The following PTPRC variants were observed in gnomAD, a reference collection of about 807,000 sequenced individuals.
PTPRC encodes protein tyrosine phosphatase receptor type C.
PTPRC carries 44 observed loss-of-function variants against 155.9 expected under a neutral mutation model. The observed-to-expected ratio is 0.28, with a 90% CI of 0.22 to 0.36. The LOEUF (loss-of-function observed/expected upper bound fraction) is 0.36. Among genes scored for constraint, PTPRC ranks in the 10% least tolerant of loss-of-function variants. PTPRC has a pLI of 1.00. For synonymous variants in PTPRC, 525 were observed against 533.1 expected, an observed-to-expected ratio of 0.98 and a Z score of 0.21; for missense variants, 1,401 against 1,564.6, an observed-to-expected ratio of 0.90 and a Z score of 1.76.
At chr1:198,710,594 T>G (rs1007582476) in intron 11 of PTPRC, among the ~76,000 whole-genome samples, 2 of 152,238 alleles carry the variant, frequency 1.3e-5, no homozygotes, top group African/African-American at 4.8e-5. Context: ...ATTTATGTCT[T>G]CTTTAATTTA....
chr1:198,702,286 T>C (rs1376155872), intron 5 of PTPRC, 101 bp from the exon 6 acceptor site: 3 of 1,470,894 alleles, frequency 2.0e-6, no homozygotes, highest in Non-Finnish European at 2.9e-6. Context: ...AAGATTTGTT[T>C]CTCTGCCTTA....
chr1:198,679,913 TG>T, intron 2 of PTPRC: 1 of 606,700 alleles, frequency 1.6e-6, no homozygotes. Flanking sequence ...TTAACCTAGG[TG>T]GGCGTCAGCA....
intron 15 of PTPRC, among the ~76,000 whole-genome samples, chr1:198,723,156 T>C (rs1015517138): frequency 2.0e-5 from 3 of 151,164 alleles, no homozygotes; most frequent in African/African-American, 4.8e-5. Flanking sequence ...TACTGCTCTT[T>C]CTAGAGTTAC....
intron 23 of PTPRC, among the ~76,000 whole-genome samples, chr1:198,738,284 G>A (rs1039888808): frequency 2.0e-5 from 3 of 151,720 alleles, no homozygotes; most frequent in Non-Finnish European, 4.4e-5. Context: ...CTAGCTGTGG[G>A]TGTGTCATAT....
At chr1:198,704,011 G>A (rs569315613) in intron 7 of PTPRC, 1 of 174,444 alleles carries the variant, frequency 5.7e-6, no homozygotes, top group South Asian at 1.2e-4. Context: ...GATGTGCAAA[G>A]AGCTTACAAA....
chr1:198,739,421 G>A (rs929563797), intron 23 of PTPRC, among the ~76,000 whole-genome samples: 41 of 151,686 alleles, frequency 2.7e-4, no homozygotes, highest in African/African-American at 9.0e-4. Flanking sequence ...AAAAGAGAAG[G>A]AGTACCTATA....
rs4025856 is a variant in PTPRC at position 198,662,475 on chromosome 1, TGTGAGA to T, written c.73+23138_73+23143del. 1.8e-4 allele frequency among the ~76,000 whole-genome samples: 12 copies of T among 65,580 alleles called. No individual in the cohort carries two copies. The Middle Eastern group carries it at 0.016, about 88-fold the overall frequency. 43.0% of individuals were successfully genotyped at this position (65,580 alleles called of 152,430 possible). A position where few individuals can be genotyped will look rare whatever the true frequency, so the allele number is the denominator to read the frequency against. Reference sequence around the variant, plus strand: ...GTGTGTGTGTGTGTGTGTGTGTGTGTGTGAGAGTGTGTGTGTATAAACATGAGACCA... The same window carrying T: ...GTGTGTGTGTGTGTGTGTGTGTGTGTGTGTGTGTGTATAAACATGAGACCA... On this transcript the variant is annotated intron_variant, in intron 2 of 32. Transcript: ENST00000442510.
Position 198,704,357 on chromosome 1 carries a change from C to A in PTPRC, c.659-115C>A, listed in dbSNP as rs1666618640. 1.9e-6 allele frequency: 3 copies of A among 1,543,806 alleles called. No homozygotes were observed. In the African/African-American group the frequency reaches 4.1e-5, roughly 21 times the overall value. On this transcript the variant is annotated intron_variant, in intron 7 of 32. Coordinates refer to ENST00000442510, the MANE Select transcript of PTPRC (RefSeq NM_002838.5). Reference sequence around the variant, plus strand: ...GCAAATCCTTCATATTCTGTTAAATCTAACTAGATAGACTTTATGAAGTAG... The same window carrying A: ...GCAAATCCTTCATATTCTGTTAAATATAACTAGATAGACTTTATGAAGTAG...
intron 3 of PTPRC, chr1:198,692,893 A>AAAGGTAAGT: frequency 1.1e-6 from 1 of 894,028 alleles, no homozygotes; most frequent in Non-Finnish European, 1.3e-6. Context: ...TAGTCCTTAT[A>AAAGGTAAGT]AATGTCTTAA....
chr1:198,673,827 A>G (rs1304504106), intron 2 of PTPRC, among the ~76,000 whole-genome samples: 1 of 152,118 alleles, frequency 6.6e-6, no homozygotes, highest in Non-Finnish European at 1.5e-5. Context: ...TTTTTTTCTT[A>G]ACTTTGCTTG....
At chr1:198,728,711 G>A (rs969066234) in intron 16 of PTPRC, among the ~76,000 whole-genome samples, 5 of 152,152 alleles carry the variant, frequency 3.3e-5, no homozygotes, top group Admixed American at 3.3e-4. Context: ...AATGTGTGTG[G>A]TTTTTAGTAC....
chr1:198,752,013 C>T (rs1655405010), intron 29 of PTPRC, among the ~76,000 whole-genome samples: 1 of 152,026 alleles, frequency 6.6e-6, no homozygotes, highest in Non-Finnish European at 1.5e-5. Context: ...CCAGTCACCT[C>T]GATTGTGCTC....
At chr1:198,640,823 G>T (rs1662536800) in intron 2 of PTPRC, among the ~76,000 whole-genome samples, 1 of 151,856 alleles carries the variant, frequency 6.6e-6, no homozygotes, top group African/African-American at 2.4e-5. Flanking sequence ...TTCAGGTCTA[G>T]CTCCATTGCT....
rs553378363 is a variant in PTPRC at position 198,665,158 on chromosome 1, C to T, written c.73+25817C>T. 1.5e-3 allele frequency among the ~76,000 whole-genome samples: 201 copies of T among 134,716 alleles called. 3 individuals are homozygous for T. The South Asian group carries it at 0.022, about 15-fold the overall frequency. The allele number at this position is 134,716 out of a possible 152,430, so 88.4% of individuals were successfully genotyped here. ...AGGCTGGAGTGCAGTGGTGCAATCG[C>T]GGCTCACTGCAAGCTCCGCCTCCCG... On this transcript the variant is annotated intron_variant, in intron 2 of 32. Coordinates refer to ENST00000442510, the MANE Select transcript of PTPRC (RefSeq NM_002838.5).
At chr1:198,674,732 A>G (rs1235785441) in intron 2 of PTPRC, among the ~76,000 whole-genome samples, 1 of 151,986 alleles carries the variant, frequency 6.6e-6, no homozygotes, top group African/African-American at 2.4e-5. Flanking sequence ...ACCTTTTAAA[A>G]ATAAGCTTTC....
chr1:198,699,840 C>T, intron 5 of PTPRC, 136 bp downstream of exon 5: 1 of 1,150,682 alleles, frequency 8.7e-7, no homozygotes, highest in Non-Finnish European at 1.3e-6. Context: ...ATTTCAGTCA[C>T]TCTTAGGAAT....
chr1:198,750,087 C>T (rs1354564416), intron 28 of PTPRC, among the ~76,000 whole-genome samples: 3 of 151,746 alleles, frequency 2.0e-5, no homozygotes, highest in Non-Finnish European at 4.4e-5. Flanking sequence ...AGCACACATT[C>T]ATAGAATATT....
chr1:198,682,489 G>C (rs1183348156), intron 2 of PTPRC, among the ~76,000 whole-genome samples: 1 of 152,082 alleles, frequency 6.6e-6, no homozygotes, highest in Non-Finnish European at 1.5e-5. Flanking sequence ...GGCTCATTTA[G>C]AAAGGGTTGT....
At chr1:198,675,591 C>T (rs981835889) in intron 2 of PTPRC, among the ~76,000 whole-genome samples, 1 of 152,050 alleles carries the variant, frequency 6.6e-6, no homozygotes, top group Non-Finnish European at 1.5e-5. Context: ...CAAATGTGCT[C>T]TTTATTTTAT....
Sources: gnomAD v4.1 joint callset for allele counts (sites outside exome capture counted in the v4.1 genomes callset) on GRCh38, gnomAD v4.1.1 for gene constraint, MANE v1.5 for transcripts, NCBI Gene and HGNC (gene_info 2026-07-23, HGNC 2026-07-21) for gene names.